SAMSN1: variants seen among roughly 807,000 people sequenced by gnomAD.
SAMSN1 encodes SAM domain, SH3 domain and nuclear localization signals 1, also known as SAM domain-containing protein SAMSN-1.
Under a neutral mutation model 42.0 loss-of-function variants are expected in SAMSN1, and 31 were observed. The ratio of observed to expected loss-of-function variants is 0.74; its 90% CI spans 0.55 to 1.00. SAMSN1 has a LOEUF of 1.00. SAMSN1 is among the 50% of genes least tolerant of loss of function. SAMSN1 has a pLI of 0.00. For missense variants in SAMSN1, 464 were observed against 439.4 expected (o/e 1.06, Z -0.50); for synonymous variants, 178 against 151.9 (o/e 1.17, Z -1.26).
At chr21:14,596,597 C>T (rs1982269360) in intron 6 of SAMSN1, among the ~76,000 whole-genome samples, 1 of 152,172 alleles carries the variant, frequency 6.6e-6, no homozygotes, top group Admixed American at 6.6e-5. Context: ...ATTGTGGCCT[C>T]TTCTTGTTCT....
chr21:14,616,019 GTAAAA>G (rs1982827831), intron 2 of SAMSN1: 3 of 579,478 alleles, frequency 5.2e-6, no homozygotes, highest in Admixed American at 2.9e-5. Flanking sequence ...GAAACTCCCT[GTAAAA>G]TAAAATAAAA....
At chr21:14,489,775 A>G (rs1986602308) in intron 7 of SAMSN1, among the ~76,000 whole-genome samples, 2 of 152,168 alleles carry the variant, frequency 1.3e-5, no homozygotes, top group Admixed American at 6.5e-5. Context: ...TTGTTACAGA[A>G]TTGTATAAAG....
intron 6 of SAMSN1, among the ~76,000 whole-genome samples, chr21:14,595,057 A>G (rs1380232413): frequency 6.6e-6 from 1 of 152,124 alleles, no homozygotes; most frequent in Non-Finnish European, 1.5e-5. Flanking sequence ...ACACTTGTAA[A>G]CAACCAGATC....
At chr21:14,598,035 A>G (rs1293582285) in intron 6 of SAMSN1, 2 of 152,264 alleles carry the variant, frequency 1.3e-5, no homozygotes, top group East Asian at 3.9e-4. Context: ...TGAAAATTGC[A>G]ATCTCCATAG....
chr21:14,486,140 G>C lies in SAMSN1; in HGVS notation c.920-26C>G, dbSNP rs773730890. 2.0e-6 allele frequency: 3 copies of C among 1,530,724 alleles called. No homozygotes were observed. The African/African-American group carries it at 4.1e-5, about 21-fold the overall frequency. 94.8% of individuals were successfully genotyped at this position (1,530,724 alleles called of 1,614,324 possible). A position where few individuals can be genotyped will look rare whatever the true frequency, so the allele number is the denominator to read the frequency against. ...CTGTAAATGGAAAAAAAGGGCAGGA[G>C]TTAGGTAAAGCAACACAAAATCTTA... On this transcript the variant is annotated intron_variant, in intron 7 of 7. Coordinates refer to ENST00000400566, the MANE Select transcript of SAMSN1 (RefSeq NM_022136.5).
At chr21:14,517,128 T>C (rs1028625316) in intron 2 of SAMSN1, 87 bp from the exon 3 acceptor site, 20 of 1,275,472 alleles carry the variant, frequency 1.6e-5, no homozygotes, top group Non-Finnish European at 2.0e-5. Context: ...ACATTCTGAG[T>C]TTGTGGATTT....
intron 3 of SAMSN1, among the ~76,000 whole-genome samples, chr21:14,514,630 G>T (rs1272131096): frequency 6.6e-6 from 1 of 152,146 alleles, no homozygotes; most frequent in Non-Finnish European, 1.5e-5. Context: ...GTGAGAAAAA[G>T]AAGGAATTTA....
intron 2 of SAMSN1, among the ~76,000 whole-genome samples, chr21:14,635,759 A>G (rs1026885706): frequency 1.6e-4 from 22 of 138,018 alleles, no homozygotes; most frequent in African/African-American, 5.5e-4. Flanking sequence ...AACATGCACC[A>G]TGCCAGGTGC....
intron 1 of SAMSN1, among the ~76,000 whole-genome samples, chr21:14,537,505 C>T (rs943052999): frequency 1.3e-5 from 2 of 151,962 alleles, no homozygotes; most frequent in Non-Finnish European, 2.9e-5. Context: ...AGTGTATTGT[C>T]CATAATAAGC....
At chr21:14,607,186 A>G (rs918202295) in intron 5 of SAMSN1, among the ~76,000 whole-genome samples, 2 of 152,190 alleles carry the variant, frequency 1.3e-5, no homozygotes, top group Non-Finnish European at 2.9e-5. Flanking sequence ...GTACTTTCCT[A>G]TCTTTATCTC....
intron 2 of SAMSN1, among the ~76,000 whole-genome samples, chr21:14,569,763 G>A (rs1261338248): frequency 6.6e-6 from 1 of 152,064 alleles, no homozygotes; most frequent in Admixed American, 6.6e-5. Context: ...TCCTGATATG[G>A]CTTTTTGCAA....
intron 2 of SAMSN1, among the ~76,000 whole-genome samples, chr21:14,566,493 G>A (rs543439629): frequency 7.2e-5 from 11 of 152,072 alleles, no homozygotes; most frequent in Admixed American, 2.0e-4. Flanking sequence ...AAAGGCAGGG[G>A]GAGGTTGGCC....
At chr21:14,650,103 A>C (rs1983806406) in intron 1 of SAMSN1, among the ~76,000 whole-genome samples, 1 of 152,160 alleles carries the variant, frequency 6.6e-6, no homozygotes, top group South Asian at 2.1e-4. Context: ...TAGAGACTTT[A>C]ACATCCCATT....
At chr21:14,642,774 T>G (rs942996673) in intron 2 of SAMSN1, among the ~76,000 whole-genome samples, 23 of 152,230 alleles carry the variant, frequency 1.5e-4, no homozygotes, top group African/African-American at 5.5e-4. Flanking sequence ...CTTTGAGGAT[T>G]GTGTTAACTT....
intron 1 of SAMSN1, among the ~76,000 whole-genome samples, chr21:14,531,873 C>T (rs528993912): frequency 6.6e-6 from 1 of 152,208 alleles, no homozygotes; most frequent in Admixed American, 6.5e-5. Flanking sequence ...TCTGCATTCA[C>T]TTGGCCTCTG....
At chr21:14,617,430 G>A (rs1390106995) in intron 2 of SAMSN1, among the ~76,000 whole-genome samples, 2 of 152,150 alleles carry the variant, frequency 1.3e-5, no homozygotes, top group African/African-American at 4.8e-5. Context: ...CATTTAACAA[G>A]CTTTGTGACA....
chr21:14,597,672 T>C (rs1349645935), intron 6 of SAMSN1, among the ~76,000 whole-genome samples: 1 of 152,198 alleles, frequency 6.6e-6, no homozygotes, highest in East Asian at 1.9e-4. Context: ...TAAACAAGTA[T>C]GGGGCTTATG....
intron 3 of SAMSN1, among the ~76,000 whole-genome samples, chr21:14,515,067 CAA>C (rs1228151869): frequency 6.8e-6 from 1 of 147,948 alleles, no homozygotes; most frequent in African/African-American, 2.5e-5. Flanking sequence ...CATGCCTAGT[CAA>C]AAAAAAACAA....
chr21:14,648,322 G>A (rs907139639), intron 1 of SAMSN1, among the ~76,000 whole-genome samples: 3 of 152,096 alleles, frequency 2.0e-5, no homozygotes, highest in African/African-American at 7.2e-5. Context: ...AACCCTAGAA[G>A]AAAACCTAGG....
Sources: allele counts gnomAD v4.1 joint callset (sites outside exome capture counted in the v4.1 genomes callset), GRCh38; gene constraint gnomAD v4.1.1; transcripts MANE v1.5; gene names NCBI Gene and HGNC (gene_info 2026-07-23, HGNC 2026-07-21).